Variants in PKN2 observed in about 807,000 individuals in gnomAD.
The protein encoded by PKN2 is protein kinase N2, also known as serine/threonine-protein kinase N2.
In PKN2, 38 loss-of-function variants were observed where a neutral mutation model predicts 119.1. That is an observed-to-expected ratio of 0.32 (90% CI 0.25 to 0.42). The LOEUF (loss-of-function observed/expected upper bound fraction) is 0.42, where lower values mean the gene tolerates loss of function less well. PKN2 is among the 10% of genes least tolerant of loss of function. The pLI is 1.00. For synonymous variants in PKN2, 390 were observed against 384.9 expected, an observed-to-expected ratio of 1.01 and a Z score of -0.15; for missense variants, 850 against 1,165.1, an observed-to-expected ratio of 0.73 and a Z score of 3.94.
intron 2 of PKN2, 125 bp from the exon 3 acceptor site, chr1:88,760,097 A>G: frequency 1.8e-6 from 1 of 567,446 alleles, no homozygotes; most frequent in Non-Finnish European, 3.1e-6. Context: ...ATCTATAAGT[A>G]TAAGGAGATT....
chr1:88,760,046 G>GTT (rs11358635), intron 2 of PKN2, among the ~76,000 whole-genome samples, 176 bp from the exon 3 acceptor site: 7,152 of 135,688 alleles, frequency 0.053, 209 homozygotes, highest in African/African-American at 0.069. Context: ...TCAGATACGT[G>GTT]TTTTTTTTTT....
intron 1 of PKN2, among the ~76,000 whole-genome samples, chr1:88,694,770 T>G (rs745854060): frequency 2.1e-4 from 32 of 152,210 alleles, no homozygotes; most frequent in Admixed American, 2.6e-4. Flanking sequence ...GTATTTGGTG[T>G]TGTCAGTTTT....
chr1:88,799,673 CT>C (rs1671229620), intron 8 of PKN2, among the ~76,000 whole-genome samples: 1 of 152,112 alleles, frequency 6.6e-6, no homozygotes, highest in Non-Finnish European at 1.5e-5. Flanking sequence ...CGGGTAGTTC[CT>C]TTTTTAAGAT....
chr1:88,766,116 T>C (rs1669659294), intron 3 of PKN2, among the ~76,000 whole-genome samples: 1 of 152,226 alleles, frequency 6.6e-6, no homozygotes, highest in South Asian at 2.1e-4. Flanking sequence ...CCTGGCCTGA[T>C]TCCACATTTC....
At chr1:88,764,225 C>A (rs1313684580) in intron 3 of PKN2, among the ~76,000 whole-genome samples, 1 of 152,154 alleles carries the variant, frequency 6.6e-6, no homozygotes, top group Non-Finnish European at 1.5e-5. Context: ...CACACTCTTA[C>A]CTCAGGGCTT....
At chr1:88,788,932 A>T (rs943421446) in intron 8 of PKN2, among the ~76,000 whole-genome samples, 11 of 152,202 alleles carry the variant, frequency 7.2e-5, no homozygotes, top group African/African-American at 2.7e-4. Context: ...AAAATGTTAC[A>T]CTAAGACCTG....
intron 15 of PKN2, among the ~76,000 whole-genome samples, chr1:88,812,559 G>T (rs945333222): frequency 2.0e-5 from 3 of 152,110 alleles, no homozygotes; most frequent in African/African-American, 7.2e-5. Flanking sequence ...GGGCAACATA[G>T]TGAGACCCTG....
chr1:88,805,484 TCAACA>T lies in PKN2; in HGVS notation c.1502-12_1502-8del. Reference sequence around the variant, plus strand: ...AAATTACTTGCTGTTTTTGTTTTTTTCAACATCTACAGGCAAAACATTTCTCAGAG... The same window carrying T: ...AAATTACTTGCTGTTTTTGTTTTTTTTCTACAGGCAAAACATTTCTCAGAG... On this transcript the variant is annotated splice_region_variant and splice_polypyrimidine_tract_variant and intron_variant, in intron 10 of 21. Transcript: ENST00000370521. 6.4e-7 allele frequency: 1 copy of T among 1,560,084 alleles called. No individual in the cohort carries two copies. The highest frequency in any genetic ancestry group is 8.7e-7 in the Non-Finnish European group (1 of 1,153,524).
At chr1:88,767,879 C>T (rs1038093471) in intron 3 of PKN2, among the ~76,000 whole-genome samples, 1 of 152,178 alleles carries the variant, frequency 6.6e-6, no homozygotes, top group Non-Finnish European at 1.5e-5. Flanking sequence ...TATTCAGTGT[C>T]ATATAGTGTG....
At chr1:88,707,907 T>G (rs1667065578) in intron 1 of PKN2, among the ~76,000 whole-genome samples, 1 of 152,166 alleles carries the variant, frequency 6.6e-6, no homozygotes, top group Non-Finnish European at 1.5e-5. Flanking sequence ...TAACTTATAT[T>G]CAAATTAATA....
chr1:88,735,091 C>A (rs1209635360), intron 1 of PKN2, among the ~76,000 whole-genome samples: 1 of 152,006 alleles, frequency 6.6e-6, no homozygotes, highest in East Asian at 1.9e-4. Context: ...AGTTTTATAC[C>A]TTTAAGATGT....
chr1:88,789,429 G>A (rs1169338308), intron 8 of PKN2, among the ~76,000 whole-genome samples: 3 of 152,150 alleles, frequency 2.0e-5, no homozygotes. Flanking sequence ...TGGGGAGGCC[G>A]AGGCGGGCGG....
chr1:88,684,557 G>T lies in PKN2; in HGVS notation c.-24G>T, dbSNP rs1160931349. The T allele has an allele frequency of 1.3e-6, 2 of 1,541,484 alleles. No individual in the cohort carries two copies. The highest frequency in any genetic ancestry group is 1.2e-5 in the South Asian group (1 of 84,078). On this transcript the variant is annotated 5_prime_UTR_variant, in exon 1 of 22. Transcript: ENST00000370521. ...CTTCGCCAGAGGCGGCCGCGTCCAG[G>T]TGCGGAGTCCATACCGGAGCGCAAT...
chr1:88,687,037 C>T (rs151119471), intron 1 of PKN2, among the ~76,000 whole-genome samples: 3 of 151,992 alleles, frequency 2.0e-5, no homozygotes, highest in Non-Finnish European at 4.4e-5. Context: ...CATATTACAA[C>T]CTGGCTTTAA....
chr1:88,784,844 A>G lies in PKN2; in HGVS notation c.1171+20A>G. On this transcript the variant is annotated intron_variant, in intron 7 of 21. Transcript: ENST00000370521. ...TGTCCAGTTCAGTAACCAGATTTTT[A>G]AAAATCATGTAACAAACTAAAGTGC... 1 of 1,520,680 alleles carries G rather than the reference A, an allele frequency of 6.6e-7. No homozygotes were observed. Among genetic ancestry groups the G allele is most frequent in the Non-Finnish European group, 9.0e-7 (1 of 1,115,248 alleles). The allele number at this position is 1,520,680 out of a possible 1,614,324, so 94.2% of individuals were successfully genotyped here. A position where few individuals can be genotyped will look rare whatever the true frequency, so the allele number is the denominator to read the frequency against.
chr1:88,815,543 G>T, intron 16 of PKN2: 1 of 193,036 alleles, frequency 5.2e-6, no homozygotes, highest in Non-Finnish European at 1.1e-5. Flanking sequence ...TATCTGTCCT[G>T]TTTATTAGTG....
chr1:88,780,171 A>G (rs941931145), intron 6 of PKN2, among the ~76,000 whole-genome samples: 3 of 152,208 alleles, frequency 2.0e-5, no homozygotes, highest in South Asian at 2.1e-4. Flanking sequence ...AGAGTTATAC[A>G]GTGCCCAAAA....
chr1:88,766,421 TA>T (rs1366398305), intron 3 of PKN2, among the ~76,000 whole-genome samples: 2 of 152,224 alleles, frequency 1.3e-5, no homozygotes, highest in African/African-American at 4.8e-5. Context: ...TGTCCCACTA[TA>T]GCTTGCAAAA....
At chr1:88,775,933 A>G (rs1164905779) in intron 6 of PKN2, among the ~76,000 whole-genome samples, 5 of 151,564 alleles carry the variant, frequency 3.3e-5, no homozygotes, top group Non-Finnish European at 7.4e-5. Flanking sequence ...GTGAAACCTC[A>G]TCTCTACTAA....
Sources: gnomAD v4.1 joint callset for allele counts (sites outside exome capture counted in the v4.1 genomes callset) on GRCh38, gnomAD v4.1.1 for gene constraint, MANE v1.5 for transcripts, NCBI Gene and HGNC (gene_info 2026-07-23, HGNC 2026-07-21) for gene names.